The following ADGRB3 variants were observed in gnomAD, a reference collection of about 807,000 sequenced individuals.
ADGRB3 encodes adhesion G protein-coupled receptor B3.
Under a neutral mutation model 193.4 loss-of-function variants are expected in ADGRB3, and 37 were observed. The observed-to-expected ratio is 0.19, with a 90% CI of 0.15 to 0.25. The LOEUF (loss-of-function observed/expected upper bound fraction) is 0.25. Ranked by LOEUF, ADGRB3 falls within the 10% of genes least tolerant of loss-of-function variation. ADGRB3 has a pLI of 1.00. For missense variants in ADGRB3, 1,637 were observed against 1,852.9 expected, an observed-to-expected ratio of 0.88 and a Z score of 2.14; for synonymous variants, 690 against 644.2, an observed-to-expected ratio of 1.07 and a Z score of -1.08.
At position 68,889,127 on chromosome 6, in the gene ADGRB3, A is replaced by T. The variant is rs1189082115; in HGVS notation, c.758-41432A>T. Among the ~76,000 whole-genome samples the T allele has an allele frequency of 3.3e-5, 5 of 152,208 alleles. No homozygotes were observed. In the East Asian group the frequency reaches 9.6e-4, roughly 29 times the overall value. ...AAGATAGGTAGAATAGTGACACAAA[A>T]GTATAAATTGTTTTTGTAGAAATTT... On this transcript the variant is annotated intron_variant, in intron 3 of 31. Transcript: ENST00000370598.
In ADGRB3 at chr6:69,222,673, AATATT is replaced by A. The variant is rs551995393; in HGVS notation, c.2481-10614_2481-10610del. On this transcript the variant is annotated intron_variant, in intron 17 of 31. Coordinates refer to ENST00000370598, the MANE Select transcript of ADGRB3 (RefSeq NM_001704.3). ...TTAGAGGAAAAAACATTGAAAAGAA[AATATT>A]ATCTAATATTTATTGAAGCCATTAT... 3.3e-4 allele frequency among the ~76,000 whole-genome samples: 51 copies of A among 152,268 alleles called. No individual in the cohort carries two copies. In the East Asian group the frequency reaches 4.8e-3, roughly 14 times the overall value.
intron 5 of ADGRB3, among the ~76,000 whole-genome samples, chr6:68,942,652 C>A (rs1352610842): frequency 6.6e-6 from 1 of 151,914 alleles, no homozygotes; most frequent in Non-Finnish European, 1.5e-5. Flanking sequence ...GCTGTGTTGC[C>A]CAGGCTGGAG....
intron 20 of ADGRB3, among the ~76,000 whole-genome samples, chr6:69,253,144 T>C (rs1229995838): frequency 6.6e-6 from 1 of 152,094 alleles, no homozygotes; most frequent in Non-Finnish European, 1.5e-5. Flanking sequence ...CTGTGATCTA[T>C]CTTTCCTTAT....
At chr6:69,293,832 G>A (rs939617844) in intron 20 of ADGRB3, among the ~76,000 whole-genome samples, 1 of 152,100 alleles carries the variant, frequency 6.6e-6, no homozygotes, top group East Asian at 1.9e-4. Context: ...AAGGGGGTGG[G>A]GGGATGGGAT....
chr6:69,268,504 CAT>C (rs2127277661), intron 20 of ADGRB3, among the ~76,000 whole-genome samples: 1 of 152,256 alleles, frequency 6.6e-6, no homozygotes, highest in African/African-American at 2.4e-5. Context: ...ACCTCTCTAA[CAT>C]TTTAAGGCAG....
chr6:69,349,930 C>T (rs1389127621), intron 26 of ADGRB3, among the ~76,000 whole-genome samples: 1 of 152,132 alleles, frequency 6.6e-6, no homozygotes, highest in African/African-American at 2.4e-5. Flanking sequence ...GCAACACTGC[C>T]AAACATCGCT....
chr6:69,189,114 T>G (rs569401949), intron 17 of ADGRB3, among the ~76,000 whole-genome samples: 2 of 152,212 alleles, frequency 1.3e-5, no homozygotes, highest in African/African-American at 4.8e-5. Context: ...ATGTGTACTT[T>G]CCAAACACTT....
intron 15 of ADGRB3, among the ~76,000 whole-genome samples, chr6:69,056,561 A>G (rs770996174): frequency 6.6e-6 from 1 of 152,114 alleles, no homozygotes; most frequent in Non-Finnish European, 1.5e-5. Flanking sequence ...AATGATTTGA[A>G]TGTATTTCTC....
rs191009681 is a variant in ADGRB3 at position 69,066,415 on chromosome 6, T to A, written c.2436+3379T>A. ...AATGGGAATTAATAGTTACAGTGAG[T>A]TATAGTGAGTTAACAGGAAAAGCCT... On this transcript the variant is annotated intron_variant, in intron 16 of 31. Transcript: ENST00000370598. 1.7e-3 allele frequency among the ~76,000 whole-genome samples: 261 copies of A among 151,370 alleles called. 1 individual carries two copies. The highest frequency in any genetic ancestry group is 2.7e-3 in the Non-Finnish European group (184 of 67,784).
chr6:68,739,228 G>C (rs1017464721), intron 3 of ADGRB3, among the ~76,000 whole-genome samples: 6 of 152,092 alleles, frequency 3.9e-5, no homozygotes, highest in African/African-American at 1.4e-4. Context: ...TACGAAGAAA[G>C]GGATCGGAAG....
intron 3 of ADGRB3, among the ~76,000 whole-genome samples, chr6:68,685,592 A>G (rs1764967807): frequency 6.6e-6 from 1 of 152,054 alleles, no homozygotes; most frequent in African/African-American, 2.4e-5. Context: ...AAGAACCACA[A>G]AAGTCTGTGG....
chr6:69,316,199 G>T (rs1025780267), intron 20 of ADGRB3, among the ~76,000 whole-genome samples: 5 of 150,956 alleles, frequency 3.3e-5, no homozygotes, highest in Non-Finnish European at 7.4e-5. Flanking sequence ...ATATTTTTCT[G>T]AAATTATTGA....
At chr6:69,256,152 G>A (rs1166138690) in intron 20 of ADGRB3, among the ~76,000 whole-genome samples, 1 of 151,310 alleles carries the variant, frequency 6.6e-6, no homozygotes. Flanking sequence ...CTCCAGCTTT[G>A]TTCTTTTGGC....
intron 11 of ADGRB3, among the ~76,000 whole-genome samples, chr6:68,999,026 G>A (rs6908180): frequency 0.12 from 17,495 of 152,110 alleles, 1,263 homozygotes; most frequent in African/African-American, 0.21. Context: ...ACAATACTAA[G>A]CTGTCTTTCA....
At chr6:69,263,229 G>A (rs1766967801) in intron 20 of ADGRB3, among the ~76,000 whole-genome samples, 1 of 152,034 alleles carries the variant, frequency 6.6e-6, no homozygotes, top group African/African-American at 2.4e-5. Context: ...AACTGACACT[G>A]ACATCAGTGA....
chr6:69,253,466 T>C (rs955513072), intron 20 of ADGRB3, among the ~76,000 whole-genome samples: 1 of 152,118 alleles, frequency 6.6e-6, no homozygotes, highest in African/African-American at 2.4e-5. Flanking sequence ...TGAATTGGCT[T>C]CCTGAAATAA....
intron 20 of ADGRB3, among the ~76,000 whole-genome samples, chr6:69,267,793 T>A (rs767904930): frequency 1.3e-5 from 2 of 152,090 alleles, no homozygotes; most frequent in Admixed American, 6.6e-5. Context: ...AGAAGGCAGG[T>A]ATTCAGAGGA....
intron 3 of ADGRB3, among the ~76,000 whole-genome samples, chr6:68,792,892 A>T (rs551971340): frequency 6.6e-6 from 1 of 152,176 alleles, no homozygotes; most frequent in African/African-American, 2.4e-5. Context: ...CTACAGTCTC[A>T]GCAAAGTTAA....
intron 29 of ADGRB3, among the ~76,000 whole-genome samples, chr6:69,363,888 A>C (rs1024456880): frequency 6.6e-6 from 1 of 152,066 alleles, no homozygotes; most frequent in African/African-American, 2.4e-5. Context: ...CTATTCTGAC[A>C]ATAATAAAGG....
Sources: allele counts gnomAD v4.1 joint callset (sites outside exome capture counted in the v4.1 genomes callset), GRCh38; gene constraint gnomAD v4.1.1; transcripts MANE v1.5; gene names NCBI Gene and HGNC (gene_info 2026-07-23, HGNC 2026-07-21).